ACIN1: variants seen among roughly 807,000 people sequenced by gnomAD.
ACIN1 encodes apoptotic chromatin condensation inducer 1.
ACIN1 carries 16 observed loss-of-function variants against 146.6 expected under a neutral mutation model. The observed-to-expected ratio is 0.11, with a 90% CI of 0.07 to 0.17. The LOEUF (loss-of-function observed/expected upper bound fraction) is 0.17, where lower values mean the gene tolerates loss of function less well. Among genes scored for constraint, ACIN1 ranks in the 10% least tolerant of loss-of-function variants. The pLI is 1.00. For missense variants in ACIN1, 1,357 were observed against 1,609.3 expected, an observed-to-expected ratio of 0.84 and a Z score of 2.68; for synonymous variants, 569 against 582.7, an observed-to-expected ratio of 0.98 and a Z score of 0.34.
Position 23,080,418 on chromosome 14 carries a change from G to A in ACIN1, c.917C>T (p.Thr306Ile), listed in dbSNP as rs866052600. 2.5e-6 allele frequency: 4 copies of A among 1,614,016 alleles called. No homozygotes were observed. Among genetic ancestry groups the A allele is most frequent in the Middle Eastern group, 1.6e-4 (1 of 6,084 alleles). The change falls in exon 6 of 19, where the codon ACA (threonine) becomes ATA (isoleucine). Residue 306 changes from threonine (T) to isoleucine (I), a missense_variant. Physicochemically the swap from Thr to Ile is moderately conservative, Grantham distance 89. Transcript: ENST00000605057. ...TCTTTCTTCCTCCTCAAGGGGAGATGTTGTTTTCATTTCCTTCTCCTGCTG... is the reference window on the plus strand; with the variant it reads ...TCTTTCTTCCTCCTCAAGGGGAGATATTGTTTTCATTTCCTTCTCCTGCTG... Reference protein sequence around the residue: ...RQQQEKEMKTTSPLEEEEREI... With the variant: ...RQQQEKEMKTISPLEEEEREI...
chr14:23,059,770 C>T (rs2047210875), intron 18 of ACIN1, among the ~76,000 whole-genome samples: 1 of 151,662 alleles, frequency 6.6e-6, no homozygotes, highest in African/African-American at 2.4e-5. Context: ...TCTCCTGCCT[C>T]AGCCTGCTGA....
rs11378976 is a variant in ACIN1, at chr14:23,082,437, A to ATTTTT, written c.437-606_437-602dup. 9.5e-4 allele frequency among the ~76,000 whole-genome samples: 91 copies of ATTTTT among 95,796 alleles called. 1 individual carries two copies. The highest frequency in any genetic ancestry group is 7.7e-3 in the Middle Eastern group (1 of 130). 62.8% of individuals were successfully genotyped at this position (95,796 alleles called of 152,430 possible). A position where few individuals can be genotyped will look rare whatever the true frequency, so the allele number is the denominator to read the frequency against. On this transcript the variant is annotated intron_variant, in intron 4 of 18. Coordinates refer to ENST00000605057, the MANE Select transcript of ACIN1 (RefSeq NM_001386863.1). The stretch of plus-strand genomic sequence containing the variant: ...TAGGTTTTATGTATTAGAGCTCAAT[A>ATTTTT]TTTTTTTTTTTTTTTTTTTTTTTTC...
chr14:23,062,635 CAG>C, intron 14 of ACIN1, 112 bp from the exon 15 acceptor site: 2 of 1,067,892 alleles, frequency 1.9e-6, no homozygotes, highest in East Asian at 2.4e-5. Flanking sequence ...TGGGGGAGGG[CAG>C]AGAGTTTAGG....
intron 1 of ACIN1, 132 bp downstream of exon 1, chr14:23,094,843 C>G (rs995371574): frequency 7.5e-6 from 10 of 1,330,478 alleles, no homozygotes; most frequent in African/African-American, 1.5e-5. Context: ...ACCGTGCGCG[C>G]GGATCCAGAG....
At chr14:23,061,834 C>T (rs992137106) in intron 16 of ACIN1, among the ~76,000 whole-genome samples, 9 of 151,830 alleles carry the variant, frequency 5.9e-5, no homozygotes, top group Admixed American at 3.9e-4. Flanking sequence ...ATTAGCCGGG[C>T]GTGGTGGCGG....
In ACIN1 at chr14:23,084,571, T is replaced by C. The variant is rs538835366; in HGVS notation, c.437-2735A>G. Among the ~76,000 whole-genome samples the C allele has an allele frequency of 1.4e-3, 214 of 150,646 alleles. 1 individual carries two copies. Among genetic ancestry groups the C allele is most frequent in the African/African-American group, 5.0e-3 (205 of 40,700 alleles). On this transcript the variant is annotated intron_variant, in intron 4 of 18. Transcript: ENST00000605057. ...GTTGTAGTGAGCCGAGATGGCGCTATTGCACTCCAGCCTGGGCGACAGAGC... is the reference window on the plus strand; with the variant it reads ...GTTGTAGTGAGCCGAGATGGCGCTACTGCACTCCAGCCTGGGCGACAGAGC...
chr14:23,094,687 G>A (rs999261151), intron 1 of ACIN1: 9 of 693,840 alleles, frequency 1.3e-5, no homozygotes, highest in African/African-American at 3.6e-5. Context: ...CGAAACCACA[G>A]ATACAAACAA....
chr14:23,068,777 C>T lies in ACIN1; in HGVS notation c.2265+699G>A. On this transcript the variant is annotated intron_variant, in intron 9 of 18. Coordinates refer to ENST00000605057, the MANE Select transcript of ACIN1 (RefSeq NM_001386863.1). The surrounding 1 kb of genome is among the most constrained non-coding windows in gnomAD (Gnocchi z 4.3). ...CCCCGCAACACACACCAGAAAAAGG[C>T]TACACACACAACAGTCCCTCCCACC... 1 of 985,498 alleles carries T rather than the reference C, an allele frequency of 1.0e-6. No individual in the cohort carries two copies. The highest frequency in any genetic ancestry group is 1.2e-6 in the Non-Finnish European group (1 of 829,994). The allele number at this position is 985,498 out of a possible 1,614,324, so 61.0% of individuals were successfully genotyped here.
In ACIN1 at chr14:23,078,855, C is replaced by T; in HGVS notation, c.1972G>A (p.Glu658Lys). 6.2e-7 allele frequency: 1 copy of T among 1,613,276 alleles called. No homozygotes were observed. The highest frequency in any genetic ancestry group is 8.5e-7 in the Non-Finnish European group (1 of 1,180,034). Residue 658 changes from glutamate to lysine, a missense_variant, in exon 7 of 19, where the codon GAA becomes AAA. Coordinates refer to ENST00000605057, the MANE Select transcript of ACIN1 (RefSeq NM_001386863.1). ...TGTAACCTCTGGGTCACATGCTTTT[C>T]AGCTGATTCAGGCTGACTCAGACGC... ...ARRLSQPESA[E>K]KHVTQRLQPE...
intron 12 of ACIN1, 100 bp from the exon 13 acceptor site, chr14:23,063,677 A>G: frequency 1.5e-6 from 2 of 1,373,096 alleles, no homozygotes; most frequent in South Asian, 1.3e-5. Context: ...TCAATCTAGC[A>G]TGTTCCTTCC....
chr14:23,069,392 G>T (rs2047558344), intron 9 of ACIN1, 84 bp downstream of exon 9: 2 of 1,541,358 alleles, frequency 1.3e-6, no homozygotes, highest in Non-Finnish European at 1.7e-6. Context: ...AACCCACCGT[G>T]TAAGAGGGAT....
chr14:23,067,423 G>A lies in ACIN1; in HGVS notation c.2266-1415C>T. ...CTAGGCGCTGTGCAATTGGTGGGGG[G>A]TTGGGTTGGCAAAAAAGGTGGGCGC... is the stretch of plus-strand genomic sequence containing the variant. On this transcript the variant is annotated intron_variant, in intron 9 of 18. Coordinates refer to ENST00000605057, the MANE Select transcript of ACIN1 (RefSeq NM_001386863.1). The surrounding 1 kb of genome is among the most constrained non-coding windows in gnomAD (Gnocchi z 4.6). 1 of 984,010 alleles carries A rather than the reference G, an allele frequency of 1.0e-6. No individual in the cohort carries two copies. The allele number at this position is 984,010 out of a possible 1,614,324, so 61.0% of individuals were successfully genotyped here. A position where few individuals can be genotyped will look rare whatever the true frequency, so the allele number is the denominator to read the frequency against.
chr14:23,081,948 G>T, intron 4 of ACIN1, 112 bp from the exon 5 acceptor site: 1 of 761,330 alleles, frequency 1.3e-6, no homozygotes, highest in Non-Finnish European at 2.1e-6. Context: ...AGCCTATCAA[G>T]ACATATCTGT....
chr14:23,077,089 T>C (rs2047821481), intron 8 of ACIN1, among the ~76,000 whole-genome samples: 1 of 152,202 alleles, frequency 6.6e-6, no homozygotes, highest in Non-Finnish European at 1.5e-5. Context: ...AGCAAGGGTA[T>C]ACCCCCAGGT....
chr14:23,071,020 A>G (rs958480222), intron 8 of ACIN1: 11 of 1,356,588 alleles, frequency 8.1e-6, no homozygotes, highest in Non-Finnish European at 1.0e-5. Context: ...ATGACTGAAA[A>G]CAAACCAAAA....
At chr14:23,081,521 T>C (rs1243942957) in intron 5 of ACIN1, among the ~76,000 whole-genome samples, 1 of 152,106 alleles carries the variant, frequency 6.6e-6, no homozygotes, top group East Asian at 1.9e-4. Flanking sequence ...TCCCAATCCT[T>C]TGGGAGGCTG....
chr14:23,070,522 A>G (rs2047605139), intron 8 of ACIN1, among the ~76,000 whole-genome samples: 1 of 151,990 alleles, frequency 6.6e-6, no homozygotes, highest in South Asian at 2.1e-4. Flanking sequence ...TCTTAATCTC[A>G]CAAGTTAGCT....
chr14:23,066,924 TTC>T (rs768563692), intron 9 of ACIN1, among the ~76,000 whole-genome samples: 3 of 152,048 alleles, frequency 2.0e-5, no homozygotes, highest in Non-Finnish European at 4.4e-5. Context: ...ATAGAGTATT[TTC>T]AAGTGTAGGT....
Position 23,080,461 on chromosome 14 carries a change from T to C in ACIN1, c.874A>G (p.Ser292Gly), listed in dbSNP as rs2047914985. 6.2e-7 allele frequency: 1 copy of C among 1,614,068 alleles called. No homozygotes were observed. The highest frequency in any genetic ancestry group is 1.3e-5 in the African/African-American group (1 of 74,916). Residue 292 changes from serine to glycine, a missense_variant, in exon 6 of 19, where the codon AGT becomes GGT. By Grantham distance (56) the Ser-to-Gly change is moderately conservative (BLOSUM62 0). This residue lies in a region of ACIN1 where 771 missense variants were observed against 746.6 expected (regional missense o/e 1.03). Transcript: ENST00000605057. ...TCCTGCTGCTGTCTGGCCAGATGACTTTTTCTAGCCTCTTCCTGGGATCTT... is the reference window on the plus strand; with the variant it reads ...TCCTGCTGCTGTCTGGCCAGATGACCTTTTCTAGCCTCTTCCTGGGATCTT... ...FTRSQEEARK[S>G]HLARQQQEKE...
Sources: gnomAD v4.1 joint callset for allele counts (sites outside exome capture counted in the v4.1 genomes callset) on GRCh38, gnomAD v4.1.1 for gene constraint, gnomAD v4.1.1 regional missense constraint, Gnocchi (gnomAD v3.1) non-coding constraint, MANE v1.5 for transcripts, NCBI Gene and HGNC (gene_info 2026-07-23, HGNC 2026-07-21) for gene names.